Variants in HSD17B11 observed in about 807,000 individuals in gnomAD.
HSD17B11 encodes hydroxysteroid 17-beta dehydrogenase 11, also known as estradiol 17-beta-dehydrogenase 11.
A neutral mutation model predicts 27.8 loss-of-function variants in HSD17B11; 22 were observed. That is an observed-to-expected ratio of 0.79 (90% confidence interval 0.56 to 1.13). The LOEUF (loss-of-function observed/expected upper bound fraction) is 1.13, where lower values mean the gene tolerates loss of function less well. HSD17B11 is among the 50% of genes most tolerant of loss of function. HSD17B11 has a pLI of 0.00. For synonymous variants in HSD17B11, 117 were observed against 132.8 expected (o/e 0.88, Z 0.82); for missense variants, 314 against 351.1 (o/e 0.89, Z 0.84).
At chr4:87,376,627 T>G (rs1476657748) in intron 2 of HSD17B11, among the ~76,000 whole-genome samples, 1 of 152,080 alleles carries the variant, frequency 6.6e-6, no homozygotes, top group East Asian at 1.9e-4. Context: ...ATGTGTGTTT[T>G]CTCTTGAAAA....
intron 6 of HSD17B11, among the ~76,000 whole-genome samples, chr4:87,339,925 G>A (rs995595357): frequency 6.6e-6 from 1 of 152,110 alleles, no homozygotes; most frequent in Admixed American, 6.5e-5. Flanking sequence ...AAATCATCTA[G>A]GAGAACTTAT....
chr4:87,366,519 A>G (rs913140819), intron 4 of HSD17B11, among the ~76,000 whole-genome samples: 3 of 152,176 alleles, frequency 2.0e-5, no homozygotes, highest in African/African-American at 7.2e-5. Context: ...TTTGGACTAT[A>G]TTTGTATAAA....
intron 5 of HSD17B11, among the ~76,000 whole-genome samples, chr4:87,355,076 C>G (rs1226305417): frequency 1.3e-5 from 2 of 151,952 alleles, no homozygotes; most frequent in Non-Finnish European, 2.9e-5. Flanking sequence ...GATCACACCA[C>G]TGCACTTCAG....
At chr4:87,358,802 A>AT (rs59439309) in intron 4 of HSD17B11, among the ~76,000 whole-genome samples, 18,074 of 152,150 alleles carry the variant, frequency 0.12, 1,212 homozygotes, top group East Asian at 0.31. Context: ...TTTTAAAAAA[A>AT]ATTTCTTACC....
intron 3 of HSD17B11, 70 bp downstream of exon 3, chr4:87,374,629 C>G: frequency 7.0e-7 from 1 of 1,427,462 alleles, no homozygotes; most frequent in Non-Finnish European, 9.6e-7. Context: ...TTCCTTATGT[C>G]TGCTAAAAGC....
intron 4 of HSD17B11, among the ~76,000 whole-genome samples, chr4:87,367,886 G>T (rs1304308705): frequency 6.6e-6 from 1 of 152,142 alleles, no homozygotes; most frequent in Non-Finnish European, 1.5e-5. Context: ...AGTTTACTTG[G>T]AATAACTTTA....
chr4:87,362,357 C>G (rs186878714), intron 4 of HSD17B11, among the ~76,000 whole-genome samples: 1 of 152,244 alleles, frequency 6.6e-6, no homozygotes, highest in African/African-American at 2.4e-5. Context: ...GAAACCCGGT[C>G]TCTACTAAAA....
At chr4:87,381,740 C>A (rs1318786648) in intron 2 of HSD17B11, among the ~76,000 whole-genome samples, 2 of 130,458 alleles carry the variant, frequency 1.5e-5, no homozygotes, top group South Asian at 2.4e-4. Flanking sequence ...ACCTGGGTAA[C>A]AGAGTGAGAC....
At chr4:87,354,458 A>G (rs985775683) in intron 5 of HSD17B11, among the ~76,000 whole-genome samples, 2 of 151,822 alleles carry the variant, frequency 1.3e-5, no homozygotes, top group African/African-American at 2.4e-5. Flanking sequence ...CCTGTGCAAC[A>G]TAGGGAGACC....
At chr4:87,353,279 A>C (rs1019294863) in intron 5 of HSD17B11, among the ~76,000 whole-genome samples, 1 of 152,172 alleles carries the variant, frequency 6.6e-6, no homozygotes, top group Admixed American at 6.5e-5. Context: ...TATAACTTGT[A>C]ATTTAATTTC....
chr4:87,390,577 A>T (rs1720432382), intron 1 of HSD17B11, among the ~76,000 whole-genome samples: 1 of 152,192 alleles, frequency 6.6e-6, no homozygotes, highest in Non-Finnish European at 1.5e-5. Context: ...AAATAGAGGG[A>T]TCAATGAAAT....
At chr4:87,382,787 A>G (rs1028836713) in intron 1 of HSD17B11, among the ~76,000 whole-genome samples, 4 of 152,194 alleles carry the variant, frequency 2.6e-5, no homozygotes, top group Non-Finnish European at 5.9e-5. Flanking sequence ...TCATTAAACC[A>G]TTTGTTCTTT....
chr4:87,381,185 T>TC lies in HSD17B11; in HGVS notation c.318+1069dup, dbSNP rs527255208. ...CTGGGCGACAGAGTGAGACTCCATT[T>TC]CAAAAAAAAAAAAAAAAAAAAAGAA... On this transcript the variant is annotated intron_variant, in intron 2 of 6. Coordinates refer to ENST00000358290, the MANE Select transcript of HSD17B11 (RefSeq NM_016245.5). Among the ~76,000 whole-genome samples, 490 of 50,750 alleles carry TC rather than the reference T, an allele frequency of 9.7e-3. 6 individuals carry two copies. The highest frequency in any genetic ancestry group is 0.03 in the African/African-American group (394 of 13,296). 33.3% of individuals were successfully genotyped at this position (50,750 alleles called of 152,430 possible). A position where few individuals can be genotyped will look rare whatever the true frequency, so the allele number is the denominator to read the frequency against.
chr4:87,357,367 G>A lies in HSD17B11; in HGVS notation c.607C>T (p.Leu203=). 1 of 1,613,700 alleles carries A rather than the reference G, an allele frequency of 6.2e-7. No homozygotes were observed. Among genetic ancestry groups the A allele is most frequent in the East Asian group, 2.2e-5 (1 of 44,866 alleles). ...VGFHKTLTDE[L]AALQITGVKT... Reference sequence around the variant, plus strand: ...ACTCCAGTTATTTGTAAGGCAGCCAGTTCATCTGTCAAAGTTTTATGAAAT... The same window carrying A: ...ACTCCAGTTATTTGTAAGGCAGCCAATTCATCTGTCAAAGTTTTATGAAAT... The change falls in exon 5 of 7, where the codon CTG becomes TTG. Residue 203 remains leucine, a synonymous_variant. Coordinates refer to ENST00000358290, the MANE Select transcript of HSD17B11 (RefSeq NM_016245.5).
chr4:87,380,484 A>AAAAAAAAAAAAAAAAAG (rs1578046554), intron 2 of HSD17B11, among the ~76,000 whole-genome samples: 4 of 138,640 alleles, frequency 2.9e-5, no homozygotes, highest in Admixed American at 7.7e-5. Flanking sequence ...AAAAAAAAAA[A>AAAAAAAAAAAAAAAAAG]AAAAGAAAAA....
rs1172868642 is a variant in HSD17B11, at chr4:87,378,876, A to G, written c.318+3379T>C. Among the ~76,000 whole-genome samples, 13 of 15,758 alleles carry G rather than the reference A, an allele frequency of 8.2e-4. 2 individuals carry two copies. Among genetic ancestry groups the G allele is most frequent in the East Asian group, 5.8e-3 (7 of 1,198 alleles). 10.3% of individuals were successfully genotyped at this position (15,758 alleles called of 152,430 possible). ...TATATAAATATATATAAATATATAT[A>G]TATAAATATATATATATAAATATAT... On this transcript the variant is annotated intron_variant, in intron 2 of 6. Coordinates refer to ENST00000358290, the MANE Select transcript of HSD17B11 (RefSeq NM_016245.5).
At chr4:87,361,405 G>C (rs570645495) in intron 4 of HSD17B11, among the ~76,000 whole-genome samples, 1 of 152,294 alleles carries the variant, frequency 6.6e-6, no homozygotes, top group South Asian at 2.1e-4. Flanking sequence ...ATAAAAATGG[G>C]CAACCAGCAC....
intron 5 of HSD17B11, among the ~76,000 whole-genome samples, chr4:87,356,158 C>T (rs1293357646): frequency 2.0e-5 from 3 of 152,162 alleles, no homozygotes; most frequent in Admixed American, 6.5e-5. Flanking sequence ...TCTCCCTGCA[C>T]TGTGGGTAGG....
At chr4:87,344,605 A>C (rs1017275817) in intron 5 of HSD17B11, among the ~76,000 whole-genome samples, 3 of 152,218 alleles carry the variant, frequency 2.0e-5, no homozygotes, top group African/African-American at 4.8e-5. Context: ...ACTAGACAGA[A>C]GACCAGCAGA....
Sources: allele counts gnomAD v4.1 joint callset (sites outside exome capture counted in the v4.1 genomes callset), GRCh38; gene constraint gnomAD v4.1.1; transcripts MANE v1.5; gene names NCBI Gene and HGNC (gene_info 2026-07-23, HGNC 2026-07-21).